MAN2A1: variants seen among roughly 807,000 people sequenced by gnomAD.
The protein encoded by MAN2A1 is alpha-mannosidase 2.
In MAN2A1, 76 loss-of-function variants were observed where a neutral mutation model predicts 142.6. That is an observed-to-expected ratio of 0.53 (90% CI 0.44 to 0.65). The LOEUF (loss-of-function observed/expected upper bound fraction) is 0.65. Among genes scored for constraint, MAN2A1 ranks in the 30% least tolerant of loss-of-function variants. The pLI, the probability that MAN2A1 is intolerant of heterozygous loss-of-function variation, is 0.00. For missense variants in MAN2A1, 1,311 were observed against 1,365.1 expected (o/e 0.96, Z 0.62); for synonymous variants, 559 against 473.2 (o/e 1.18, Z -2.35).
chr5:109,767,752 C>G (rs1360260726), intron 6 of MAN2A1, 44 bp downstream of exon 6: 2 of 1,533,952 alleles, frequency 1.3e-6, no homozygotes, highest in African/African-American at 2.7e-5. Context: ...GGCCTAGATA[C>G]TATTTCACAA....
chr5:109,733,189 CT>C (rs1361226586), intron 4 of MAN2A1, among the ~76,000 whole-genome samples: 19 of 151,780 alleles, frequency 1.3e-4, no homozygotes, highest in African/African-American at 4.6e-4. Flanking sequence ...TATAAGAATG[CT>C]TGTGATTTTT....
At chr5:109,778,306 A>G (rs1051170723) in intron 8 of MAN2A1, among the ~76,000 whole-genome samples, 1 of 152,090 alleles carries the variant, frequency 6.6e-6, no homozygotes, top group Admixed American at 6.5e-5. Context: ...TTTCCTATAT[A>G]TGAGTAATGG....
chr5:109,737,084 T>G (rs1049650123), intron 4 of MAN2A1, among the ~76,000 whole-genome samples: 2 of 144,606 alleles, frequency 1.4e-5, no homozygotes, highest in Non-Finnish European at 3.0e-5. Flanking sequence ...GAATATGGAC[T>G]GTATACTCTT....
intron 3 of MAN2A1, among the ~76,000 whole-genome samples, chr5:109,729,124 G>A (rs1158177555): frequency 6.6e-6 from 1 of 152,024 alleles, no homozygotes; most frequent in African/African-American, 2.4e-5. Context: ...CTGAATTTGT[G>A]CAGTTTTCAG....
At chr5:109,818,656 T>A (rs1158352269) in intron 13 of MAN2A1, among the ~76,000 whole-genome samples, 1 of 152,072 alleles carries the variant, frequency 6.6e-6, no homozygotes, top group African/African-American at 2.4e-5. Flanking sequence ...GCAAAAAAAA[T>A]TAATAATTAG....
At chr5:109,709,962 G>A (rs1357634570) in intron 1 of MAN2A1, among the ~76,000 whole-genome samples, 1 of 152,164 alleles carries the variant, frequency 6.6e-6, no homozygotes, top group African/African-American at 2.4e-5. Context: ...CAGACTACAA[G>A]TGCATCCTTT....
At chr5:109,737,800 A>G (rs1365567499) in intron 4 of MAN2A1, among the ~76,000 whole-genome samples, 1 of 152,168 alleles carries the variant, frequency 6.6e-6, no homozygotes, top group Non-Finnish European at 1.5e-5. Context: ...ATAAATATAT[A>G]TGTCAGTTTA....
intron 4 of MAN2A1, among the ~76,000 whole-genome samples, chr5:109,738,478 T>G (rs1356918121): frequency 1.3e-5 from 2 of 152,170 alleles, no homozygotes; most frequent in African/African-American, 4.8e-5. Flanking sequence ...TTGCTTGAGT[T>G]TGCTGTCCTT....
chr5:109,788,636 C>A (rs192593709), intron 10 of MAN2A1, among the ~76,000 whole-genome samples: 21 of 151,772 alleles, frequency 1.4e-4, no homozygotes, highest in African/African-American at 4.8e-4. Flanking sequence ...TTGGGGTGAT[C>A]CTACTGGATA....
chr5:109,701,575 TAAGAG>T (rs1561467161), intron 1 of MAN2A1, among the ~76,000 whole-genome samples: 1 of 152,192 alleles, frequency 6.6e-6, no homozygotes, highest in Non-Finnish European at 1.5e-5. Context: ...GGAAAGGAGC[TAAGAG>T]AATATTCAAT....
chr5:109,839,048 A>G (rs559997345), intron 16 of MAN2A1, among the ~76,000 whole-genome samples: 1 of 152,236 alleles, frequency 6.6e-6, no homozygotes, highest in Non-Finnish European at 1.5e-5. Flanking sequence ...CTTTGAGACA[A>G]TATCTAATCT....
At chr5:109,766,859 A>C (rs985941895) in intron 5 of MAN2A1, among the ~76,000 whole-genome samples, 11 of 152,136 alleles carry the variant, frequency 7.2e-5, no homozygotes, top group African/African-American at 2.6e-4. Context: ...ATTTTTTTAC[A>C]TTTTATCCTC....
rs938244309 is a variant in MAN2A1, at chr5:109,867,616, A to T, written c.*618A>T. 1 of 152,436 alleles carries T rather than the reference A, an allele frequency of 6.6e-6. No homozygotes were observed. The allele number at this position is 152,436 out of a possible 1,614,324, so 9.4% of individuals were successfully genotyped here. A position where few individuals can be genotyped will look rare whatever the true frequency, so the allele number is the denominator to read the frequency against. On this transcript the variant is annotated 3_prime_UTR_variant, in exon 22 of 22. Transcript: ENST00000261483. ...TTCTAAGTATTTCCAGAAATACCTG[A>T]TTTTGAATCATTCAACAGTAGAAAA...
At chr5:109,730,518 T>C (rs961340376) in intron 4 of MAN2A1, among the ~76,000 whole-genome samples, 3 of 151,180 alleles carry the variant, frequency 2.0e-5, no homozygotes, top group African/African-American at 7.4e-5. Context: ...CTTTTTTTCT[T>C]CCTAATTTCA....
intron 16 of MAN2A1, among the ~76,000 whole-genome samples, chr5:109,836,656 A>G (rs757242557): frequency 6.6e-6 from 1 of 152,122 alleles, no homozygotes; most frequent in Non-Finnish European, 1.5e-5. Flanking sequence ...ACGGTGACCT[A>G]CTTGGTTTTA....
chr5:109,838,655 C>T lies in MAN2A1; in HGVS notation c.2567-3673C>T, dbSNP rs189881351. ...AAAAATAATAAATTATCATTGAGAA[C>T]TCAGGGATACCTCCTTGCTTTTATG... On this transcript the variant is annotated intron_variant, in intron 16 of 21. Coordinates refer to ENST00000261483, the MANE Select transcript of MAN2A1 (RefSeq NM_002372.4). 1.1e-4 allele frequency among the ~76,000 whole-genome samples: 17 copies of T among 152,286 alleles called. No homozygotes were observed. In the East Asian group the frequency reaches 3.3e-3, roughly 29 times the overall value.
chr5:109,778,662 G>A (rs1753362510), intron 8 of MAN2A1, among the ~76,000 whole-genome samples: 1 of 151,994 alleles, frequency 6.6e-6, no homozygotes, highest in African/African-American at 2.4e-5. Flanking sequence ...GTAGAGTATA[G>A]GGTCCACCTT....
At chr5:109,837,650 C>G (rs747401459) in intron 16 of MAN2A1, among the ~76,000 whole-genome samples, 2 of 152,114 alleles carry the variant, frequency 1.3e-5, no homozygotes, top group Non-Finnish European at 2.9e-5. Flanking sequence ...ACTCTTGGCT[C>G]CTGTCATTGC....
chr5:109,749,228 G>A (rs1003958884), intron 4 of MAN2A1, among the ~76,000 whole-genome samples: 2 of 152,094 alleles, frequency 1.3e-5, no homozygotes, highest in Admixed American at 6.6e-5. Context: ...CTTTGAGTGT[G>A]TCCTTCTGTG....
Sources: gnomAD v4.1 joint callset for allele counts (sites outside exome capture counted in the v4.1 genomes callset) on GRCh38, gnomAD v4.1.1 for gene constraint, MANE v1.5 for transcripts, NCBI Gene and HGNC (gene_info 2026-07-23, HGNC 2026-07-21) for gene names.